Variants in ADGRL3 observed in about 807,000 individuals in gnomAD.
ADGRL3 encodes the protein calcium-independent alpha-latrotoxin receptor 3.
ADGRL3 carries 62 observed loss-of-function variants against 153.5 expected under a neutral mutation model. That is an observed-to-expected ratio of 0.40 (90% CI 0.33 to 0.50). ADGRL3 has a LOEUF of 0.50. Ranked by LOEUF, ADGRL3 falls within the 20% of genes least tolerant of loss-of-function variation. The pLI is 0.47. For synonymous variants in ADGRL3, 710 were observed against 672.5 expected, an observed-to-expected ratio of 1.06 and a Z score of -0.86; for missense variants, 1,641 against 1,859.4, an observed-to-expected ratio of 0.88 and a Z score of 2.16.
In ADGRL3 at chr4:61,370,499, T is replaced by G. The variant is rs1367715092; in HGVS notation, c.-239-12625T>G. Among the ~76,000 whole-genome samples the G allele has an allele frequency of 3.3e-5, 5 of 152,174 alleles. No homozygotes were observed. The East Asian group carries it at 7.7e-4, about 23-fold the overall frequency. ...CATTTCGTTATGTACCCAGTAGTCA[T>G]TCAGGAGCAGGTTGTTCAGTTTCCA... is the stretch of plus-strand genomic sequence containing the variant. On this transcript the variant is annotated intron_variant, in intron 1 of 26. Transcript: ENST00000683033.
At chr4:61,601,296 A>G (rs2099010580) in intron 5 of ADGRL3, among the ~76,000 whole-genome samples, 4 of 152,126 alleles carry the variant, frequency 2.6e-5, no homozygotes. Context: ...TTTTCGTTTT[A>G]TAGAACTATA....
chr4:61,228,393 T>C (rs1450187446), intron 1 of ADGRL3, among the ~76,000 whole-genome samples: 1 of 152,222 alleles, frequency 6.6e-6, no homozygotes, highest in Non-Finnish European at 1.5e-5. Flanking sequence ...ACATTCCACA[T>C]TTCCATGTGG....
rs537729072 is a variant in ADGRL3 at position 61,388,018 on chromosome 4, T to A, written c.-174+4829T>A. 2.6e-5 allele frequency among the ~76,000 whole-genome samples: 4 copies of A among 152,310 alleles called. No individual in the cohort carries two copies. In the East Asian group the frequency reaches 7.7e-4, roughly 29 times the overall value. On this transcript the variant is annotated intron_variant, in intron 2 of 26. Transcript: ENST00000683033. ...CAATCCATGTTCTTCTGCCATGGTT[T>A]CAGCGGGTCCCTCCATTTGGGGTCC...
chr4:61,497,617 G>A (rs541810908), intron 3 of ADGRL3, among the ~76,000 whole-genome samples: 31 of 147,576 alleles, frequency 2.1e-4, no homozygotes, highest in East Asian at 1.2e-3. Flanking sequence ...CTGGGTTCAC[G>A]CCATTCTCCT....
rs545503440 is a variant in ADGRL3, at chr4:61,371,077, T to G, written c.-239-12047T>G. Among the ~76,000 whole-genome samples the G allele has an allele frequency of 2.9e-3, 429 of 150,524 alleles. 3 individuals carry two copies. Among genetic ancestry groups the G allele is most frequent in the East Asian group, 9.2e-3 (47 of 5,118 alleles). ...CCCCTGCCTTTTTTTGTTTTCCATT[T>G]GCTTGGTAGATCTTCCTCCATCCTT... On this transcript the variant is annotated intron_variant, in intron 1 of 26. Coordinates refer to ENST00000683033, the MANE Select transcript of ADGRL3 (RefSeq NM_001387552.1).
intron 21 of ADGRL3, among the ~76,000 whole-genome samples, chr4:62,009,588 T>C (rs1383248244): frequency 1.3e-5 from 2 of 152,104 alleles, no homozygotes; most frequent in East Asian, 3.9e-4. Flanking sequence ...AGTGCCAGGA[T>C]TATGCATAAT....
chr4:61,655,180 T>C (rs1257410522), intron 5 of ADGRL3, among the ~76,000 whole-genome samples: 2 of 116,884 alleles, frequency 1.7e-5, no homozygotes, highest in African/African-American at 6.5e-5. Context: ...CAAGTATGGG[T>C]ACAATTAAGA....
intron 8 of ADGRL3, among the ~76,000 whole-genome samples, chr4:61,799,600 A>G (rs1045796897): frequency 3.3e-5 from 5 of 152,078 alleles, no homozygotes; most frequent in African/African-American, 1.2e-4. Flanking sequence ...GGGATGCAGA[A>G]CCCCCAAGAG....
At chr4:61,435,767 G>A (rs1434909907) in intron 2 of ADGRL3, among the ~76,000 whole-genome samples, 1 of 151,886 alleles carries the variant, frequency 6.6e-6, no homozygotes, top group African/African-American at 2.4e-5. Context: ...ATCTCAAAGG[G>A]CTAATCTAAT....
chr4:61,881,712 A>G (rs1350727162), intron 9 of ADGRL3, among the ~76,000 whole-genome samples: 2 of 152,182 alleles, frequency 1.3e-5, no homozygotes, highest in Admixed American at 6.5e-5. Flanking sequence ...TTAACTTCAT[A>G]CTTATGCATA....
At chr4:61,559,973 A>G (rs1373239075) in intron 4 of ADGRL3, among the ~76,000 whole-genome samples, 1 of 151,896 alleles carries the variant, frequency 6.6e-6, no homozygotes, top group Non-Finnish European at 1.5e-5. Flanking sequence ...TTTCTCTTTG[A>G]TCCTTAACCA....
chr4:61,833,700 A>T (rs889376818), intron 9 of ADGRL3, among the ~76,000 whole-genome samples: 3 of 151,956 alleles, frequency 2.0e-5, no homozygotes, highest in South Asian at 2.1e-4. Flanking sequence ...CAGCTGCATG[A>T]CTCCTAAACC....
At chr4:61,543,915 A>G (rs2098702126) in intron 4 of ADGRL3, among the ~76,000 whole-genome samples, 1 of 152,200 alleles carries the variant, frequency 6.6e-6, no homozygotes, top group South Asian at 2.1e-4. Flanking sequence ...TTAGGCATAT[A>G]CCACATTTTA....
intron 1 of ADGRL3, among the ~76,000 whole-genome samples, chr4:61,280,705 G>A (rs2093689379): frequency 6.6e-6 from 1 of 152,006 alleles, no homozygotes; most frequent in African/African-American, 2.4e-5. Context: ...CTTTTTAAAA[G>A]GAAATAGATA....
At chr4:61,808,505 A>C (rs912359367) in intron 8 of ADGRL3, among the ~76,000 whole-genome samples, 1 of 152,134 alleles carries the variant, frequency 6.6e-6, no homozygotes, top group African/African-American at 2.4e-5. Flanking sequence ...TGAAGGGGGG[A>C]AAAAAGAAAC....
At chr4:61,426,472 T>A (rs925452712) in intron 2 of ADGRL3, among the ~76,000 whole-genome samples, 6 of 151,970 alleles carry the variant, frequency 3.9e-5, no homozygotes, top group African/African-American at 1.5e-4. Flanking sequence ...TCCTACAGAG[T>A]CAGCAGTACA....
chr4:61,904,369 G>A (rs1015045832), intron 11 of ADGRL3, among the ~76,000 whole-genome samples: 8 of 151,904 alleles, frequency 5.3e-5, no homozygotes, highest in Non-Finnish European at 8.8e-5. Flanking sequence ...GGCTGGTCTC[G>A]AACTTCTGAG....
intron 6 of ADGRL3, among the ~76,000 whole-genome samples, chr4:61,729,420 C>A (rs1355600412): frequency 6.6e-6 from 1 of 151,830 alleles, no homozygotes; most frequent in African/African-American, 2.4e-5. Context: ...ATGGTTTTGA[C>A]AATAACTGGA....
intron 9 of ADGRL3, among the ~76,000 whole-genome samples, chr4:61,851,784 C>G (rs1306480728): frequency 6.6e-6 from 1 of 152,008 alleles, no homozygotes; most frequent in African/African-American, 2.4e-5. Context: ...GAACAAACCT[C>G]CAGTGCCATG....
Sources: gnomAD v4.1 joint callset for allele counts (sites outside exome capture counted in the v4.1 genomes callset) on GRCh38, gnomAD v4.1.1 for gene constraint, MANE v1.5 for transcripts, NCBI Gene and HGNC (gene_info 2026-07-23, HGNC 2026-07-21) for gene names.